The following MECOM variants were observed in gnomAD, a reference collection of about 807,000 sequenced individuals.
The protein encoded by MECOM is histone-lysine N-methyltransferase MECOM.
A neutral mutation model predicts 116.3 loss-of-function variants in MECOM; 13 were observed. The ratio of observed to expected loss-of-function variants is 0.11; its 90% confidence interval spans 0.07 to 0.18. The LOEUF (loss-of-function observed/expected upper bound fraction) is 0.18, where lower values mean the gene tolerates loss of function less well. MECOM is among the 10% of genes least tolerant of loss of function. The probability of loss-of-function intolerance (pLI) is 1.00; values close to 1 mark genes in which losing one functional copy is unlikely to be tolerated. For missense variants in MECOM, 1,299 were observed against 1,509.0 expected (o/e 0.86, Z 2.31); for synonymous variants, 528 against 535.2 (o/e 0.99, Z 0.19).
intron 1 of MECOM, among the ~76,000 whole-genome samples, chr3:169,465,427 T>C (rs1338084246): frequency 6.6e-6 from 1 of 152,250 alleles, no homozygotes; most frequent in African/African-American, 2.4e-5. Context: ...GTAAGTTCTC[T>C]ATAAGTATTC....
chr3:169,589,657 T>C (rs1043339514), intron 1 of MECOM, among the ~76,000 whole-genome samples: 2 of 152,166 alleles, frequency 1.3e-5, no homozygotes, highest in African/African-American at 2.4e-5. Flanking sequence ...CCCCACTGAT[T>C]TATTGCTGAA....
At chr3:169,425,701 CT>C (rs1342177028) in intron 1 of MECOM, among the ~76,000 whole-genome samples, 1 of 152,102 alleles carries the variant, frequency 6.6e-6, no homozygotes, top group East Asian at 1.9e-4. Context: ...TTCTTAGCCA[CT>C]TTATTTTGCT....
At chr3:169,628,541 G>A (rs1490077684) in intron 1 of MECOM, among the ~76,000 whole-genome samples, 4 of 152,164 alleles carry the variant, frequency 2.6e-5, no homozygotes, top group Admixed American at 6.5e-5. Context: ...AATTAGAAGT[G>A]ACCCTATATA....
intron 1 of MECOM, among the ~76,000 whole-genome samples, chr3:169,634,463 A>T (rs553762703): frequency 5.0e-4 from 76 of 152,148 alleles, no homozygotes; most frequent in Non-Finnish European, 9.4e-4. Context: ...CAGACCATCT[A>T]TTTCAATAGC....
At chr3:169,162,681 A>C (rs1197468249) in intron 2 of MECOM, among the ~76,000 whole-genome samples, 1 of 152,154 alleles carries the variant, frequency 6.6e-6, no homozygotes, top group Non-Finnish European at 1.5e-5. Flanking sequence ...ATATTTTAAA[A>C]ATATAGATTG....
intron 1 of MECOM, among the ~76,000 whole-genome samples, chr3:169,565,449 CCAGCTCTGGACATCTGTCT>C (rs1409239364): frequency 6.6e-6 from 1 of 152,164 alleles, no homozygotes; most frequent in Non-Finnish European, 1.5e-5. Context: ...TTATCTCTGT[CCAGCTCTGGACATCTGTCT>C]GGGTTTGCTC....
At chr3:169,399,836 A>G (rs1349675181) in intron 1 of MECOM, among the ~76,000 whole-genome samples, 1 of 152,216 alleles carries the variant, frequency 6.6e-6, no homozygotes, top group Non-Finnish European at 1.5e-5. Flanking sequence ...AGAGAAAAGT[A>G]AATTGTTCAA....
intron 2 of MECOM, among the ~76,000 whole-genome samples, chr3:169,212,442 A>T (rs1750846639): frequency 6.6e-6 from 1 of 151,014 alleles, no homozygotes; most frequent in Admixed American, 6.6e-5. Context: ...AATGAATAAA[A>T]GGGAGAAGGT....
chr3:169,323,874 T>C (rs1339703388), intron 2 of MECOM, among the ~76,000 whole-genome samples: 2 of 152,188 alleles, frequency 1.3e-5, no homozygotes, highest in African/African-American at 4.8e-5. Context: ...CAAGGAAGAC[T>C]TGGAGGATGG....
chr3:169,389,705 G>T, intron 1 of MECOM: 1 of 356,398 alleles, frequency 2.8e-6, no homozygotes, highest in Non-Finnish European at 3.9e-6. Context: ...AATGACCAGA[G>T]TACAGCCTTT....
At position 169,411,160 on chromosome 3, in the gene MECOM, A is replaced by C. The variant is rs1737497500; in HGVS notation, c.38-29636T>G. Reference sequence around the variant, plus strand: ...GGATGAAACTATTAAACTACATATAAATATCTGAAGACTTTAGTAAGAGAA... The same window carrying C: ...GGATGAAACTATTAAACTACATATACATATCTGAAGACTTTAGTAAGAGAA... On this transcript the variant is annotated intron_variant, in intron 1 of 16. Coordinates refer to ENST00000651503, the MANE Select transcript of MECOM (RefSeq NM_004991.4). Among the ~76,000 whole-genome samples, 4 of 152,318 alleles carry C rather than the reference A, an allele frequency of 2.6e-5. No homozygotes were observed. In the Middle Eastern group the frequency reaches 0.014, roughly 518 times the overall value.
rs577929663 is a variant in MECOM, at chr3:169,549,224, G to T, written c.37+114112C>A. ...TGACCTCAGGTAATCCACCCACCTT[G>T]GCCTCCCAAAGTGCTGGGATTACAG... On this transcript the variant is annotated intron_variant, in intron 1 of 16. Coordinates refer to ENST00000651503, the MANE Select transcript of MECOM (RefSeq NM_004991.4). Among the ~76,000 whole-genome samples, 5 of 152,050 alleles carry T rather than the reference G, an allele frequency of 3.3e-5. No homozygotes were observed. The East Asian group carries it at 9.7e-4, about 29-fold the overall frequency.
intron 2 of MECOM, among the ~76,000 whole-genome samples, chr3:169,290,364 A>G (rs1390225242): frequency 6.6e-6 from 1 of 152,210 alleles, no homozygotes; most frequent in Admixed American, 6.5e-5. Context: ...CAGATTTATT[A>G]GTTATTCCTT....
At chr3:169,457,281 T>C (rs150016509) in intron 1 of MECOM, among the ~76,000 whole-genome samples, 1 of 152,286 alleles carries the variant, frequency 6.6e-6, no homozygotes, top group East Asian at 1.9e-4. Context: ...TGAGATACCC[T>C]AGATGATTTT....
At chr3:169,269,409 T>A (rs1758678286) in intron 2 of MECOM, among the ~76,000 whole-genome samples, 1 of 152,060 alleles carries the variant, frequency 6.6e-6, no homozygotes, top group African/African-American at 2.4e-5. Flanking sequence ...AGAAACCACC[T>A]ATTTAAAAAA....
chr3:169,526,763 G>C (rs973396187), intron 1 of MECOM, among the ~76,000 whole-genome samples: 1 of 151,890 alleles, frequency 6.6e-6, no homozygotes, highest in Non-Finnish European at 1.5e-5. Flanking sequence ...ACTAAGCCCT[G>C]ACTACTTTTT....
chr3:169,179,502 C>A (rs928665067), intron 2 of MECOM, among the ~76,000 whole-genome samples: 5 of 152,098 alleles, frequency 3.3e-5, no homozygotes, highest in African/African-American at 1.2e-4. Flanking sequence ...AGATGAAATG[C>A]AATGAAAAAG....
intron 3 of MECOM, among the ~76,000 whole-genome samples, chr3:169,135,065 T>C (rs893207562): frequency 1.2e-4 from 19 of 152,138 alleles, no homozygotes; most frequent in African/African-American, 4.6e-4. Flanking sequence ...TTATAATGTC[T>C]TTAAAATCTG....
intron 1 of MECOM, among the ~76,000 whole-genome samples, chr3:169,484,908 A>C (rs1439065720): frequency 6.6e-6 from 1 of 152,182 alleles, no homozygotes; most frequent in Non-Finnish European, 1.5e-5. Context: ...AGTTGATATT[A>C]CTTAGGGAGA....
Sources: gnomAD v4.1 joint callset for allele counts (sites outside exome capture counted in the v4.1 genomes callset) on GRCh38, gnomAD v4.1.1 for gene constraint, MANE v1.5 for transcripts, NCBI Gene and HGNC (gene_info 2026-07-23, HGNC 2026-07-21) for gene names.